Variants in TRPM3 observed in about 807,000 individuals in gnomAD.
TRPM3 encodes long transient receptor potential channel 3.
In TRPM3, 77 loss-of-function variants were observed where a neutral mutation model predicts 181.2. The ratio of observed to expected loss-of-function variants is 0.42; its 90% CI spans 0.35 to 0.51. TRPM3 has a LOEUF of 0.51. Ranked by LOEUF, TRPM3 falls within the 20% of genes least tolerant of loss-of-function variation. TRPM3 has a pLI of 0.01. For synonymous variants in TRPM3, 745 were observed against 796.4 expected, an observed-to-expected ratio of 0.94 and a Z score of 1.09; for missense variants, 1,759 against 2,196.7, an observed-to-expected ratio of 0.80 and a Z score of 3.98.
intron 1 of TRPM3, among the ~76,000 whole-genome samples, chr9:71,190,328 A>C (rs1465150735): frequency 6.6e-6 from 1 of 151,910 alleles, no homozygotes; most frequent in African/African-American, 2.4e-5. Flanking sequence ...CAAATACCTA[A>C]GTAAATAATA....
chr9:71,197,996 T>C (rs989281418), intron 1 of TRPM3, among the ~76,000 whole-genome samples: 1 of 151,478 alleles, frequency 6.6e-6, no homozygotes, highest in Non-Finnish European at 1.5e-5. Flanking sequence ...AGGGTTTTTA[T>C]GGTTTTAGGT....
At chr9:71,294,044 A>C (rs1381123185) in intron 1 of TRPM3, among the ~76,000 whole-genome samples, 2 of 152,044 alleles carry the variant, frequency 1.3e-5, no homozygotes, top group Admixed American at 6.6e-5. Context: ...TAATGTGAAG[A>C]GTAAGATCTT....
At chr9:71,274,060 A>T (rs2084001798) in intron 1 of TRPM3, among the ~76,000 whole-genome samples, 1 of 152,100 alleles carries the variant, frequency 6.6e-6, no homozygotes, top group South Asian at 2.1e-4. Context: ...TACACTGTTC[A>T]TTCTCTCCTC....
At chr9:71,062,480 A>G (rs2061439168) in intron 1 of TRPM3, among the ~76,000 whole-genome samples, 2 of 152,106 alleles carry the variant, frequency 1.3e-5, no homozygotes, top group South Asian at 4.1e-4. Flanking sequence ...CCATACAAAA[A>G]CAGATTTTTC....
chr9:70,999,677 T>TC (rs989929418), intron 1 of TRPM3, among the ~76,000 whole-genome samples: 3 of 152,192 alleles, frequency 2.0e-5, no homozygotes, highest in African/African-American at 7.2e-5. Context: ...AAGTTTTTGT[T>TC]CCCTAACTGC....
intron 22 of TRPM3, among the ~76,000 whole-genome samples, chr9:70,575,516 T>G (rs10780949): frequency 0.37 from 56,398 of 152,022 alleles, 11,766 homozygotes; most frequent in East Asian, 0.52. Context: ...ATTAACTTTT[T>G]TTTTCCTTGA....
At chr9:70,622,743 C>A (rs913798777) in intron 14 of TRPM3, among the ~76,000 whole-genome samples, 1 of 152,138 alleles carries the variant, frequency 6.6e-6, no homozygotes, top group Non-Finnish European at 1.5e-5. Context: ...TGGTTGGGCA[C>A]CATCTTGAAA....
chr9:70,623,729 T>C (rs2064007328), intron 14 of TRPM3, among the ~76,000 whole-genome samples: 1 of 152,216 alleles, frequency 6.6e-6, no homozygotes, highest in Admixed American at 6.5e-5. Context: ...ATCCTTAACC[T>C]TGGTTAACCG....
rs78943673 is a variant in TRPM3 at position 70,855,774 on chromosome 9, C to T, written c.462+7134G>A. ...AGCTGTGGCTGAAGAGAATATGTCG[C>T]TTGAGACTACTAAGGCAATTTTGCT... On this transcript the variant is annotated intron_variant, in intron 3 of 25. Coordinates refer to ENST00000677713, the MANE Select transcript of TRPM3 (RefSeq NM_001366145.2). Among the ~76,000 whole-genome samples, 1,284 of 152,268 alleles carry T rather than the reference C, an allele frequency of 8.4e-3. 9 individuals carry two copies. The highest frequency in any genetic ancestry group is 0.013 in the Non-Finnish European group (899 of 68,020).
chr9:71,099,247 G>A (rs1014021413), intron 1 of TRPM3, among the ~76,000 whole-genome samples: 1 of 152,146 alleles, frequency 6.6e-6, no homozygotes, highest in African/African-American at 2.4e-5. Flanking sequence ...ATGCAAGGCA[G>A]CTTTCTGGAG....
chr9:70,622,498 T>C (rs564638736), intron 14 of TRPM3, among the ~76,000 whole-genome samples: 1 of 152,294 alleles, frequency 6.6e-6, no homozygotes, highest in South Asian at 2.1e-4. Flanking sequence ...CAAGGGCGAG[T>C]GGGGCCAGAG....
intron 1 of TRPM3, among the ~76,000 whole-genome samples, chr9:70,967,409 T>C (rs1182258039): frequency 6.6e-6 from 1 of 152,038 alleles, no homozygotes; most frequent in Non-Finnish European, 1.5e-5. Context: ...TTTAAATTTT[T>C]TAAAAATATA....
intron 1 of TRPM3, among the ~76,000 whole-genome samples, chr9:71,301,630 C>T (rs984838329): frequency 2.6e-5 from 4 of 152,116 alleles, no homozygotes; most frequent in Non-Finnish European, 5.9e-5. Flanking sequence ...TCACCTTATT[C>T]AAACGTCAAC....
At chr9:70,618,291 T>C (rs1589378071) in intron 17 of TRPM3, among the ~76,000 whole-genome samples, 1 of 152,226 alleles carries the variant, frequency 6.6e-6, no homozygotes, top group African/African-American at 2.4e-5. Context: ...TATACAGACA[T>C]AACTATACAT....
intron 8 of TRPM3, among the ~76,000 whole-genome samples, chr9:70,747,478 C>T (rs10511986): frequency 0.15 from 23,012 of 152,060 alleles, 2,333 homozygotes; most frequent in East Asian, 0.39. Context: ...TGGACTGAAA[C>T]TGCAGGCAAA....
At chr9:70,886,880 G>C (rs2096093944) in intron 1 of TRPM3, among the ~76,000 whole-genome samples, 1 of 152,134 alleles carries the variant, frequency 6.6e-6, no homozygotes, top group African/African-American at 2.4e-5. Context: ...GGCCAAGCCA[G>C]TTTCGAACTC....
chr9:71,221,667 T>C (rs1033056627), intron 1 of TRPM3, among the ~76,000 whole-genome samples: 1 of 152,150 alleles, frequency 6.6e-6, no homozygotes, highest in Non-Finnish European at 1.5e-5. Context: ...CACATGTGGC[T>C]GCAGCATTTT....
chr9:70,842,331 G>C (rs1172928015), intron 5 of TRPM3, among the ~76,000 whole-genome samples: 1 of 152,050 alleles, frequency 6.6e-6, no homozygotes, highest in African/African-American at 2.4e-5. Context: ...GATTTGCAAA[G>C]GGCAGGACAG....
At position 70,912,354 on chromosome 9, in the gene TRPM3, C is replaced by T. The variant is rs562792110; in HGVS notation, c.178-47843G>A. The stretch of plus-strand genomic sequence containing the variant: ...GTTAAAAATTGCAGAACAAAACAGC[C>T]CTTTTATGGATCAAACATTATGTTT... On this transcript the variant is annotated intron_variant, in intron 1 of 25. Transcript: ENST00000677713. Among the ~76,000 whole-genome samples the T allele has an allele frequency of 3.9e-5, 6 of 152,206 alleles. No individual in the cohort carries two copies. In the South Asian group the frequency reaches 1.2e-3, roughly 32 times the overall value.
Sources: gnomAD v4.1 joint callset for allele counts (sites outside exome capture counted in the v4.1 genomes callset) on GRCh38, gnomAD v4.1.1 for gene constraint, MANE v1.5 for transcripts, NCBI Gene and HGNC (gene_info 2026-07-23, HGNC 2026-07-21) for gene names.